CADM2: variants seen among roughly 807,000 people sequenced by gnomAD.
CADM2 encodes the protein immunoglobulin superfamily member 4D.
A neutral mutation model predicts 49.8 loss-of-function variants in CADM2; 12 were observed. That is an observed-to-expected ratio of 0.24 (90% CI 0.15 to 0.39). The LOEUF is 0.39. CADM2 is among the 10% of genes least tolerant of loss of function. CADM2 has a pLI of 1.00. For synonymous variants in CADM2, 214 were observed against 175.4 expected (o/e 1.22, Z -1.74); for missense variants, 378 against 492.3 (o/e 0.77, Z 2.20).
chr3:85,561,865 T>C (rs1449487402), intron 1 of CADM2, among the ~76,000 whole-genome samples: 3 of 152,190 alleles, frequency 2.0e-5, no homozygotes, highest in South Asian at 2.1e-4. Flanking sequence ...CCTCTGCTTA[T>C]TTATGCCAGC....
chr3:85,018,450 T>C (rs150385194), intron 1 of CADM2, among the ~76,000 whole-genome samples: 1 of 152,262 alleles, frequency 6.6e-6, no homozygotes, highest in African/African-American at 2.4e-5. Flanking sequence ...CGATCTTGGC[T>C]CACCGCAACC....
At chr3:85,895,327 T>C (rs189750184) in intron 5 of CADM2, among the ~76,000 whole-genome samples, 5 of 152,352 alleles carry the variant, frequency 3.3e-5, no homozygotes, top group East Asian at 3.9e-4. Flanking sequence ...GATTTGGCTG[T>C]CCTGCCAGAT....
chr3:86,010,553 C>T (rs1171150694), intron 8 of CADM2, among the ~76,000 whole-genome samples: 4 of 151,042 alleles, frequency 2.6e-5, no homozygotes, highest in Non-Finnish European at 5.9e-5. Context: ...GAAATAACAG[C>T]TAACCTAACA....
chr3:85,126,332 G>C (rs912042350), intron 1 of CADM2, among the ~76,000 whole-genome samples: 27 of 151,644 alleles, frequency 1.8e-4, no homozygotes, highest in African/African-American at 6.3e-4. Context: ...AAGTAAATAG[G>C]GACAAAACTC....
chr3:85,101,523 C>A (rs1251716412), intron 1 of CADM2, among the ~76,000 whole-genome samples: 1 of 152,124 alleles, frequency 6.6e-6, no homozygotes, highest in South Asian at 2.1e-4. Context: ...ATTTTAATAT[C>A]ATGCATGAAC....
Position 86,068,123 on chromosome 3 carries a change from C to G in CADM2, c.*1340C>G, listed in dbSNP as rs1290712831. 1 of 152,186 alleles carries G rather than the reference C, an allele frequency of 6.6e-6. No individual in the cohort carries two copies. The highest frequency in any genetic ancestry group is 1.5e-5 in the Non-Finnish European group (1 of 67,806). 9.4% of individuals were successfully genotyped at this position (152,186 alleles called of 1,614,324 possible). On this transcript the variant is annotated 3_prime_UTR_variant, in exon 10 of 10. Transcript: ENST00000383699. ...ATGAACTAATTCTTTATATTAAATT[C>G]CTGTCTATGCATTTTGTGAGGTACA...
Position 86,034,316 on chromosome 3 carries a change from G to A in CADM2, c.971-31289G>A, listed in dbSNP as rs116358263. 3.1e-3 allele frequency among the ~76,000 whole-genome samples: 476 copies of A among 152,058 alleles called. 3 individuals carry two copies. Among genetic ancestry groups the A allele is most frequent in the African/African-American group, 0.011 (467 of 41,516 alleles). On this transcript the variant is annotated intron_variant, in intron 8 of 9. Coordinates refer to ENST00000383699, the MANE Select transcript of CADM2 (RefSeq NM_001167675.2). ...TTCATTTGCTGTGATGGTATTAGAA[G>A]GTGAAGCCTTTGGGAACTGATTAGG...
At chr3:85,964,055 G>A (rs111523063) in intron 8 of CADM2, among the ~76,000 whole-genome samples, 26 of 151,882 alleles carry the variant, frequency 1.7e-4, no homozygotes, top group African/African-American at 5.5e-4. Flanking sequence ...CCCTTTGCAC[G>A]CTGGGTATAA....
chr3:85,889,254 G>A (rs1248876742), intron 5 of CADM2, among the ~76,000 whole-genome samples: 1 of 152,084 alleles, frequency 6.6e-6, no homozygotes, highest in Non-Finnish European at 1.5e-5. Flanking sequence ...CTGGGTAAAA[G>A]TCACTTGAAA....
chr3:85,067,608 C>T (rs1308003053), intron 1 of CADM2, among the ~76,000 whole-genome samples: 1 of 152,110 alleles, frequency 6.6e-6, no homozygotes, highest in Non-Finnish European at 1.5e-5. Flanking sequence ...CGAACTATCA[C>T]TAATGCTCAA....
intron 1 of CADM2, among the ~76,000 whole-genome samples, chr3:85,642,208 G>GT (rs373854354): frequency 5.3e-5 from 8 of 152,246 alleles, no homozygotes; most frequent in Middle Eastern, 3.4e-3. Flanking sequence ...CCAGTTTTGA[G>GT]TAAACTAGTT....
intron 3 of CADM2, among the ~76,000 whole-genome samples, chr3:85,832,866 C>G (rs2074243867): frequency 6.6e-6 from 1 of 151,866 alleles, no homozygotes; most frequent in African/African-American, 2.4e-5. Context: ...TGAGAGTGGG[C>G]ATCCTCATCT....
chr3:85,893,674 A>C (rs536908866), intron 5 of CADM2, among the ~76,000 whole-genome samples: 98 of 152,334 alleles, frequency 6.4e-4, no homozygotes, highest in African/African-American at 2.3e-3. Context: ...ACCCCATCAA[A>C]AAGTGGGTGA....
At chr3:85,686,367 C>T (rs992661739) in intron 1 of CADM2, among the ~76,000 whole-genome samples, 21 of 151,902 alleles carry the variant, frequency 1.4e-4, no homozygotes, top group African/African-American at 3.6e-4. Flanking sequence ...AAAATGGTAA[C>T]GCTGGTTAGT....
intron 2 of CADM2, among the ~76,000 whole-genome samples, chr3:85,731,430 T>G (rs1453887387): frequency 6.6e-6 from 1 of 152,158 alleles, no homozygotes; most frequent in Non-Finnish European, 1.5e-5. Context: ...GTGACAATTT[T>G]ATTGGATAAA....
intron 1 of CADM2, among the ~76,000 whole-genome samples, chr3:85,548,178 C>T (rs1271814341): frequency 1.8e-5 from 1 of 55,274 alleles, no homozygotes; most frequent in Non-Finnish European, 6.2e-5. Flanking sequence ...GAAATAATGT[C>T]CTTTATGGTG....
chr3:85,420,301 G>A (rs931353747), intron 1 of CADM2, among the ~76,000 whole-genome samples: 2 of 152,124 alleles, frequency 1.3e-5, no homozygotes, highest in Non-Finnish European at 2.9e-5. Context: ...CCCATCTGTA[G>A]GTGGATAGTA....
chr3:85,600,506 T>A (rs1156262629), intron 1 of CADM2, among the ~76,000 whole-genome samples: 1 of 151,878 alleles, frequency 6.6e-6, no homozygotes, highest in Non-Finnish European at 1.5e-5. Context: ...TCCAGAGACT[T>A]GATAGCAAGA....
At chr3:85,156,236 TAAAGAAAA>T (rs903460381) in intron 1 of CADM2, among the ~76,000 whole-genome samples, 30 of 150,560 alleles carry the variant, frequency 2.0e-4, no homozygotes, top group Non-Finnish European at 1.3e-4. Context: ...GCAAGACTAA[TAAAGAAAA>T]AAAGAGAGAA....
Sources: allele counts gnomAD v4.1 joint callset (sites outside exome capture counted in the v4.1 genomes callset), GRCh38; gene constraint gnomAD v4.1.1; transcripts MANE v1.5; gene names NCBI Gene and HGNC (gene_info 2026-07-23, HGNC 2026-07-21).